PRKD1: variants seen among roughly 807,000 people sequenced by gnomAD.
PRKD1 encodes the protein serine/threonine-protein kinase D1.
A neutral mutation model predicts 95.9 loss-of-function variants in PRKD1; 63 were observed. That is an observed-to-expected ratio of 0.66 (90% CI 0.54 to 0.81). The LOEUF (loss-of-function observed/expected upper bound fraction) is 0.81. PRKD1 is among the 30% of genes least tolerant of loss of function. PRKD1 has a pLI of 0.00. For synonymous variants in PRKD1, 425 were observed against 423.1 expected (o/e 1.00, Z -0.05); for missense variants, 1,048 against 1,165.3 (o/e 0.90, Z 1.47).
intron 1 of PRKD1, among the ~76,000 whole-genome samples, chr14:29,885,968 TAAAATAA>T (rs143184559): frequency 0.051 from 7,764 of 151,878 alleles, 694 homozygotes; most frequent in African/African-American, 0.18. Context: ...CGGTCTCAAA[TAAAATAA>T]AAAATAAAAA....
intron 2 of PRKD1, among the ~76,000 whole-genome samples, chr14:29,691,960 T>C (rs1206726111): frequency 6.6e-6 from 1 of 152,194 alleles, no homozygotes; most frequent in Non-Finnish European, 1.5e-5. Flanking sequence ...GGTAGCCTTC[T>C]TCCAGAGTTT....
In PRKD1 at chr14:29,826,772, C is replaced by CAT. The variant is rs1292508352; in HGVS notation, c.264+100475_264+100476dup. On this transcript the variant is annotated intron_variant, in intron 1 of 17. Coordinates refer to ENST00000331968, the MANE Select transcript of PRKD1 (RefSeq NM_002742.3). ...ATATATATATACATATATATATACA[C>CAT]ATATATATACATATATACACATATA... is the stretch of plus-strand genomic sequence containing the variant. Among the ~76,000 whole-genome samples, 97 of 21,190 alleles carry CAT rather than the reference C, an allele frequency of 4.6e-3. 10 individuals carry two copies. The highest frequency in any genetic ancestry group is 0.019 in the East Asian group (13 of 680). The allele number at this position is 21,190 out of a possible 152,430, so 13.9% of individuals were successfully genotyped here.
intron 1 of PRKD1, among the ~76,000 whole-genome samples, chr14:29,875,325 T>C (rs903344184): frequency 6.6e-6 from 1 of 152,104 alleles, no homozygotes; most frequent in East Asian, 1.9e-4. Context: ...AAAATGCTTA[T>C]AAAATGATGT....
intron 16 of PRKD1, among the ~76,000 whole-genome samples, chr14:29,580,922 C>T (rs995465128): frequency 6.6e-6 from 1 of 151,722 alleles, no homozygotes; most frequent in African/African-American, 2.4e-5. Flanking sequence ...GCCCTGACCC[C>T]GAAAAGCTCA....
intron 1 of PRKD1, among the ~76,000 whole-genome samples, chr14:29,813,674 C>T (rs1311420389): frequency 2.6e-5 from 4 of 152,134 alleles, no homozygotes; most frequent in African/African-American, 9.7e-5. Flanking sequence ...AGGCCTAGCA[C>T]ATTTGAAACA....
chr14:29,641,385 G>A (rs1245983128), intron 4 of PRKD1, among the ~76,000 whole-genome samples: 1 of 151,934 alleles, frequency 6.6e-6, no homozygotes, highest in African/African-American at 2.4e-5. Flanking sequence ...TTTCAATATG[G>A]CCCATATTTC....
intron 1 of PRKD1, among the ~76,000 whole-genome samples, chr14:29,862,777 G>A (rs1328509913): frequency 1.3e-5 from 2 of 152,062 alleles, no homozygotes; most frequent in African/African-American, 4.8e-5. Context: ...TCCTTTGTCA[G>A]ATGGGTCATT....
chr14:29,723,671 G>A (rs1406613100), intron 2 of PRKD1, among the ~76,000 whole-genome samples: 1 of 13,564 alleles, frequency 7.4e-5, no homozygotes, highest in Admixed American at 9.4e-4. Flanking sequence ...TTGAGTGTGC[G>A]TGTGTGTGTG....
At chr14:29,661,553 A>G (rs1882192405) in intron 4 of PRKD1, among the ~76,000 whole-genome samples, 1 of 152,218 alleles carries the variant, frequency 6.6e-6, no homozygotes, top group African/African-American at 2.4e-5. Context: ...CAAAGGCAAC[A>G]GGGAAATATG....
chr14:29,808,909 A>G (rs905399319), intron 1 of PRKD1, among the ~76,000 whole-genome samples: 1 of 152,240 alleles, frequency 6.6e-6, no homozygotes, highest in Non-Finnish European at 1.5e-5. Flanking sequence ...TTTTCAATTT[A>G]CTTTGCCCAG....
intron 2 of PRKD1, among the ~76,000 whole-genome samples, chr14:29,677,195 T>C (rs1247593009): frequency 6.6e-6 from 1 of 152,260 alleles, no homozygotes; most frequent in Admixed American, 6.5e-5. Flanking sequence ...TTGTACTTAC[T>C]GAAATTGGCT....
rs1254978640 is a variant in PRKD1 at position 29,826,754 on chromosome 14, TATAC to T, written c.264+100491_264+100494del. On this transcript the variant is annotated intron_variant, in intron 1 of 17. Transcript: ENST00000331968. ...ATACACATATATATACACATATATA[TATAC>T]ATATATATATACACATATATATACA... is the stretch of plus-strand genomic sequence containing the variant. Among the ~76,000 whole-genome samples, 15 of 57,904 alleles carry T rather than the reference TATAC, an allele frequency of 2.6e-4. 3 individuals carry two copies. Among genetic ancestry groups the T allele is most frequent in the African/African-American group, 9.5e-4 (15 of 15,838 alleles). The allele number at this position is 57,904 out of a possible 152,430, so 38.0% of individuals were successfully genotyped here. A position where few individuals can be genotyped will look rare whatever the true frequency, so the allele number is the denominator to read the frequency against.
At chr14:29,683,489 A>C (rs1299994536) in intron 2 of PRKD1, among the ~76,000 whole-genome samples, 2 of 152,176 alleles carry the variant, frequency 1.3e-5, no homozygotes, top group Non-Finnish European at 2.9e-5. Context: ...AGGTTAGGGG[A>C]AAGAGTAAAA....
In PRKD1 at chr14:29,781,626, C is replaced by A. The variant is rs139818939; in HGVS notation, c.265-55952G>T. On this transcript the variant is annotated intron_variant, in intron 1 of 17. Transcript: ENST00000331968. The stretch of plus-strand genomic sequence containing the variant: ...TTTCAGTTTTGATAATGGCTGAAGT[C>A]TCTCCTTCAAAAGGCAAGGGAGTCT... Among the ~76,000 whole-genome samples the A allele has an allele frequency of 4.6e-5, 7 of 152,358 alleles. No homozygotes were observed. The East Asian group carries it at 1.2e-3, about 25-fold the overall frequency.
intron 1 of PRKD1, among the ~76,000 whole-genome samples, chr14:29,856,830 T>C (rs1026250804): frequency 6.6e-5 from 10 of 152,186 alleles, no homozygotes; most frequent in African/African-American, 2.4e-4. Context: ...TCCAAGTCTT[T>C]CTTCTGTAGC....
intron 1 of PRKD1, among the ~76,000 whole-genome samples, chr14:29,924,782 A>G (rs897379413): frequency 6.6e-6 from 1 of 152,076 alleles, no homozygotes; most frequent in Non-Finnish European, 1.5e-5. Context: ...GAAATAAAAG[A>G]CAAAAGAACT....
rs777211485 is a variant in PRKD1, at chr14:29,916,511, T to C, written c.264+10738A>G. On this transcript the variant is annotated intron_variant, in intron 1 of 17. Coordinates refer to ENST00000331968, the MANE Select transcript of PRKD1 (RefSeq NM_002742.3). ...AGATTAACTGACACCATTCCCCAAC[T>C]CTTTCCTGCTTTTGACAATGGTGAA... 1.1e-4 allele frequency among the ~76,000 whole-genome samples: 16 copies of C among 152,266 alleles called. No individual in the cohort carries two copies. The East Asian group carries it at 3.1e-3, about 29-fold the overall frequency.
At chr14:29,799,341 A>G (rs1047008665) in intron 1 of PRKD1, among the ~76,000 whole-genome samples, 1 of 152,230 alleles carries the variant, frequency 6.6e-6, no homozygotes, top group African/African-American at 2.4e-5. Context: ...TGGAAAAGAT[A>G]ACAAATTACT....
At chr14:29,917,321 G>A (rs1355674176) in intron 1 of PRKD1, among the ~76,000 whole-genome samples, 2 of 152,116 alleles carry the variant, frequency 1.3e-5, no homozygotes, top group Non-Finnish European at 2.9e-5. Context: ...GGCCAAAACT[G>A]ACAGTTTAAA....
Sources: gnomAD v4.1 joint callset for allele counts (sites outside exome capture counted in the v4.1 genomes callset) on GRCh38, gnomAD v4.1.1 for gene constraint, MANE v1.5 for transcripts, NCBI Gene and HGNC (gene_info 2026-07-23, HGNC 2026-07-21) for gene names.